The following NMBR variants were observed in gnomAD, a reference collection of about 807,000 sequenced individuals.
NMBR encodes the protein neuromedin B receptor.
In NMBR, 16 loss-of-function variants were observed where a neutral mutation model predicts 20.5. The ratio of observed to expected loss-of-function variants is 0.78; its 90% CI spans 0.53 to 1.19. The LOEUF (loss-of-function observed/expected upper bound fraction) is 1.19. NMBR is among the 50% of genes most tolerant of loss of function. The pLI is 0.00. For missense variants in NMBR, 582 were observed against 499.1 expected, an observed-to-expected ratio of 1.17 and a Z score of -1.58; for synonymous variants, 212 against 196.6, an observed-to-expected ratio of 1.08 and a Z score of -0.65.
chr6:142,098,412 G>A (rs1274560625), intron 1 of NMBR, among the ~76,000 whole-genome samples: 1 of 152,092 alleles, frequency 6.6e-6, no homozygotes, highest in Non-Finnish European at 1.5e-5. Flanking sequence ...CAAATAACAT[G>A]ATTATCTATT....
At chr6:142,084,865 C>A (rs766169273) in intron 2 of NMBR, among the ~76,000 whole-genome samples, 1 of 152,134 alleles carries the variant, frequency 6.6e-6, no homozygotes, top group Non-Finnish European at 1.5e-5. Flanking sequence ...ACAGCACACA[C>A]GTCCCAATAC....
intron 1 of NMBR, among the ~76,000 whole-genome samples, chr6:142,096,500 C>T (rs894657090): frequency 6.6e-6 from 1 of 152,092 alleles, no homozygotes; most frequent in Admixed American, 6.6e-5. Context: ...GTTTCTTAAT[C>T]CTGAGTTCTA....
chr6:142,084,068 C>T (rs1474596653), intron 2 of NMBR, among the ~76,000 whole-genome samples: 1 of 152,118 alleles, frequency 6.6e-6, no homozygotes. Flanking sequence ...TAACATGAAC[C>T]TGAGCTTCAG....
chr6:142,076,857 A>T (rs1182675997), intron 3 of NMBR, among the ~76,000 whole-genome samples: 1 of 152,232 alleles, frequency 6.6e-6, no homozygotes, highest in Non-Finnish European at 1.5e-5. Flanking sequence ...CATTGGTAGT[A>T]GGTATCATAA....
chr6:142,122,026 T>C (rs1777951862), intron 1 of NMBR, among the ~76,000 whole-genome samples: 1 of 151,922 alleles, frequency 6.6e-6, no homozygotes, highest in African/African-American at 2.4e-5. Flanking sequence ...ATGCCTCTCA[T>C]TCCCAGTTCC....
chr6:142,101,982 A>G (rs1777572845), intron 1 of NMBR, among the ~76,000 whole-genome samples: 1 of 152,110 alleles, frequency 6.6e-6, no homozygotes, highest in Admixed American at 6.6e-5. Flanking sequence ...CACCAGGGAG[A>G]CTACTATTAA....
At chr6:142,124,496 A>G (rs1394468913) in intron 1 of NMBR, among the ~76,000 whole-genome samples, 1 of 151,888 alleles carries the variant, frequency 6.6e-6, no homozygotes, top group Non-Finnish European at 1.5e-5. Flanking sequence ...AAGAACTGAA[A>G]CTAGCAGAAT....
intron 3 of NMBR, among the ~76,000 whole-genome samples, chr6:142,076,891 G>T (rs1263035773): frequency 6.6e-6 from 1 of 152,152 alleles, no homozygotes; most frequent in Non-Finnish European, 1.5e-5. Context: ...AATACTACTG[G>T]TCGTCAACTA....
chr6:142,126,587 A>G (rs953257598), intron 1 of NMBR, among the ~76,000 whole-genome samples: 3 of 151,784 alleles, frequency 2.0e-5, no homozygotes, highest in African/African-American at 7.2e-5. Context: ...TTATTTTATA[A>G]TAGCCATTCT....
At position 142,096,996 on chromosome 6, in the gene NMBR, C is replaced by T. The variant is rs990522729; in HGVS notation, c.-663-7675G>A. Among the ~76,000 whole-genome samples, 43 of 151,800 alleles carry T rather than the reference C, an allele frequency of 2.8e-4. 1 individual carries two copies. The highest frequency in any genetic ancestry group is 7.4e-5 in the Non-Finnish European group (5 of 67,950). The stretch of plus-strand genomic sequence containing the variant: ...TTTATCAGAGACTAGGATTGCAACC[C>T]CTGCCTTTTTTTGTTTTCCATTTGC... On this transcript the variant is annotated intron_variant, in intron 1 of 3. Transcript: ENST00000258042.
intron 1 of NMBR, chr6:142,134,770 A>C (rs1778218559): frequency 2.9e-6 from 2 of 691,826 alleles, no homozygotes; most frequent in Non-Finnish European, 5.2e-6. Flanking sequence ...TCTTGGGGAA[A>C]ACATGATTAT....
At chr6:142,108,001 G>C (rs533424265) in intron 1 of NMBR, among the ~76,000 whole-genome samples, 3 of 152,114 alleles carry the variant, frequency 2.0e-5, no homozygotes, top group African/African-American at 7.2e-5. Context: ...TGAAATTAAA[G>C]ATAGATTGAC....
intron 1 of NMBR, among the ~76,000 whole-genome samples, chr6:142,094,497 T>C (rs899450294): frequency 3.9e-5 from 6 of 152,310 alleles, no homozygotes; most frequent in South Asian, 2.1e-4. Context: ...TCTGTACTGT[T>C]CCATTGGTCT....
chr6:142,129,009 AT>A (rs1778091519), intron 1 of NMBR, among the ~76,000 whole-genome samples: 1 of 107,148 alleles, frequency 9.3e-6, no homozygotes, highest in Non-Finnish European at 2.4e-5. Context: ...AATATATAAC[AT>A]TTATGCATTA....
chr6:142,109,977 G>A (rs1346963904), intron 1 of NMBR, among the ~76,000 whole-genome samples: 1 of 152,092 alleles, frequency 6.6e-6, no homozygotes, highest in Non-Finnish European at 1.5e-5. Context: ...AAAATAAATT[G>A]CTCTTGTTTA....
At chr6:142,118,744 C>A (rs75975180) in intron 1 of NMBR, among the ~76,000 whole-genome samples, 2,340 of 152,108 alleles carry the variant, frequency 0.015, 50 homozygotes, top group South Asian at 0.07. Flanking sequence ...ATCATCTTAG[C>A]AGTTGTACAA....
At chr6:142,096,759 G>A (rs1431552879) in intron 1 of NMBR, among the ~76,000 whole-genome samples, 4 of 151,840 alleles carry the variant, frequency 2.6e-5, no homozygotes, top group Non-Finnish European at 5.9e-5. Flanking sequence ...TCTGTCTAAT[G>A]TTGACAGTGG....
intron 1 of NMBR, among the ~76,000 whole-genome samples, chr6:142,103,738 T>C (rs968065121): frequency 2.0e-5 from 3 of 152,218 alleles, no homozygotes; most frequent in Admixed American, 2.0e-4. Context: ...AAATTGTATA[T>C]CTAAATATTT....
chr6:142,080,583 G>A (rs377542806), intron 2 of NMBR, among the ~76,000 whole-genome samples: 1 of 151,898 alleles, frequency 6.6e-6, no homozygotes, highest in African/African-American at 2.4e-5. Context: ...AAAGTGCTGG[G>A]GTTATAGGTA....
Sources: allele counts gnomAD v4.1 joint callset (sites outside exome capture counted in the v4.1 genomes callset), GRCh38; gene constraint gnomAD v4.1.1; transcripts MANE v1.5; gene names NCBI Gene and HGNC (gene_info 2026-07-23, HGNC 2026-07-21).